The following DISP3 variants were observed in gnomAD, a reference collection of about 807,000 sequenced individuals.
DISP3 encodes the protein protein dispatched homolog 3.
A neutral mutation model predicts 135.3 loss-of-function variants in DISP3; 101 were observed. That is an observed-to-expected ratio of 0.75 (90% CI 0.64 to 0.88). The LOEUF is 0.88. Among genes scored for constraint, DISP3 ranks in the 40% least tolerant of loss-of-function variants. The pLI, the probability that DISP3 is intolerant of heterozygous loss-of-function variation, is 0.00. For synonymous variants in DISP3, 856 were observed against 817.0 expected (o/e 1.05, Z -0.81); for missense variants, 1,713 against 1,878.6 (o/e 0.91, Z 1.63).
rs754779622 is a variant in DISP3 at position 11,520,041 on chromosome 1, G to A, written c.2200+161G>A. Among the ~76,000 whole-genome samples the A allele has an allele frequency of 2.6e-5, 4 of 152,170 alleles. No homozygotes were observed. Among genetic ancestry groups the A allele is most frequent in the South Asian group, 2.1e-4 (1 of 4,824 alleles). On this transcript the variant is annotated intron_variant, in intron 9 of 20. Coordinates refer to ENST00000294484, the MANE Select transcript of DISP3 (RefSeq NM_020780.2). The surrounding 1 kb of genome is among the most constrained non-coding windows in gnomAD (Gnocchi z 4.8). Reference sequence around the variant, plus strand: ...CCTCTTTCCTGTGCAGAATGAAGCCGGTCATGGCGGCTGTTACTCATTGGC... The same window carrying A: ...CCTCTTTCCTGTGCAGAATGAAGCCAGTCATGGCGGCTGTTACTCATTGGC...
intron 3 of DISP3, 110 bp downstream of exon 3, chr1:11,503,007 T>A: frequency 9.8e-7 from 1 of 1,024,526 alleles, no homozygotes; most frequent in East Asian, 2.6e-5. Flanking sequence ...TTTGGAAGTC[T>A]TTCTTTCCAA....
At chr1:11,505,867 A>G (rs2100424764) in intron 3 of DISP3, among the ~76,000 whole-genome samples, 1 of 152,330 alleles carries the variant, frequency 6.6e-6, no homozygotes. Flanking sequence ...AATACTTTGT[A>G]TAATTTCATG....
intron 17 of DISP3, among the ~76,000 whole-genome samples, chr1:11,532,512 A>G (rs971730309): frequency 6.6e-6 from 1 of 152,042 alleles, no homozygotes; most frequent in Admixed American, 6.5e-5. Context: ...CCTTCCCACT[A>G]TTTATTTGTG....
chr1:11,522,548 C>G (rs1343065426), intron 10 of DISP3, among the ~76,000 whole-genome samples: 2 of 151,920 alleles, frequency 1.3e-5, no homozygotes, highest in African/African-American at 4.8e-5. Context: ...AGAGCCCAGC[C>G]AGGACCCAGC....
rs769075638 is a variant in DISP3, at chr1:11,502,822, G to A, written c.1241G>A (p.Arg414His). ...PLPNYYSVDD[R>H]WEEQRAKFQS... is the part of the protein sequence containing the mutation. ...CCCAACTACTACTCAGTAGATGACC[G>A]CTGGGAGGAACAACGGGCTAAGTTT... Residue 414 changes from arginine to histidine, a missense_variant, in exon 3 of 21, where the codon CGC becomes CAC. Physicochemically the swap from Arg to His is conservative, Grantham distance 29. This residue lies in a region of DISP3 where 1,142 missense variants were observed against 1,384.6 expected (regional missense o/e 0.82). Coordinates refer to ENST00000294484, the MANE Select transcript of DISP3 (RefSeq NM_020780.2). 21 of 1,614,072 alleles carry A rather than the reference G, an allele frequency of 1.3e-5. No homozygotes were observed. The highest frequency in any genetic ancestry group is 3.3e-5 in the South Asian group (3 of 91,086).
intron 1 of DISP3, among the ~76,000 whole-genome samples, chr1:11,489,509 GAC>G (rs1641125845): frequency 6.6e-6 from 1 of 152,200 alleles, no homozygotes. Context: ...CCCCTCCAAA[GAC>G]AGCAGGATCC....
At chr1:11,527,806 GACA>G (rs780324090) in intron 13 of DISP3, among the ~76,000 whole-genome samples, 3 of 152,134 alleles carry the variant, frequency 2.0e-5, no homozygotes, top group Non-Finnish European at 4.4e-5. Context: ...TCAAGTGTGA[GACA>G]ACTTCTCAAG....
chr1:11,493,499 C>A (rs139254778), intron 1 of DISP3, among the ~76,000 whole-genome samples: 2 of 152,102 alleles, frequency 1.3e-5, no homozygotes, highest in South Asian at 4.2e-4. Context: ...CGGAGGTGGG[C>A]GGATCACTTG....
rs553839956 is a variant in DISP3, at chr1:11,514,221, G to A, written c.1317-169G>A. On this transcript the variant is annotated intron_variant, in intron 3 of 20. Transcript: ENST00000294484. ...TCTGATCTAATTTGTCTGGAGCCTGGCCTGGACATCAGGATTATTGGAAGC... is the reference window on the plus strand; with the variant it reads ...TCTGATCTAATTTGTCTGGAGCCTGACCTGGACATCAGGATTATTGGAAGC... Among the ~76,000 whole-genome samples the A allele has an allele frequency of 2.0e-5, 3 of 152,300 alleles. No homozygotes were observed. In the South Asian group the frequency reaches 6.2e-4, roughly 32 times the overall value.
At chr1:11,504,124 A>G (rs1481354060) in intron 3 of DISP3, among the ~76,000 whole-genome samples, 6 of 152,266 alleles carry the variant, frequency 3.9e-5, no homozygotes, top group African/African-American at 1.4e-4. Context: ...AACTGCTGGA[A>G]TAATCAGAGC....
rs1641439234 is a variant in DISP3 at position 11,499,487 on chromosome 1, G to A, written c.-3-1503G>A. On this transcript the variant is annotated intron_variant, in intron 1 of 20. Coordinates refer to ENST00000294484, the MANE Select transcript of DISP3 (RefSeq NM_020780.2). The surrounding 1 kb of genome is among the most constrained non-coding windows in gnomAD (Gnocchi z 5.2). ...GACTCAGAGCAGTTACCATCCCCTC[G>A]GCAAGCTGGCAGGCTCGTGTTAGGG... 6.6e-6 allele frequency among the ~76,000 whole-genome samples: 1 copy of A among 152,042 alleles called. No homozygotes were observed. The highest frequency in any genetic ancestry group is 2.4e-5 in the African/African-American group (1 of 41,388).
intron 10 of DISP3, among the ~76,000 whole-genome samples, chr1:11,522,760 G>A (rs866948397): frequency 0.013 from 367 of 28,584 alleles, no homozygotes; most frequent in East Asian, 0.028. Context: ...ACCCAGCCAG[G>A]ACCCAGCCAG....
chr1:11,491,611 A>AAAAC lies in DISP3; in HGVS notation c.-3-9367_-3-9364dup, dbSNP rs1255844880. The stretch of plus-strand genomic sequence containing the variant: ...GGGTGACAGAGTGAGATCCCATCTC[A>AAAAC]AAACAAACAAACAAAACAAAACAAA... On this transcript the variant is annotated intron_variant, in intron 1 of 20. Coordinates refer to ENST00000294484, the MANE Select transcript of DISP3 (RefSeq NM_020780.2). This position sits in a 1 kb window ranked among gnomAD's most constrained non-coding sequence, Gnocchi z 4.3. Among the ~76,000 whole-genome samples, 1 of 151,896 alleles carries AAAAC rather than the reference A, an allele frequency of 6.6e-6. No individual in the cohort carries two copies. The highest frequency in any genetic ancestry group is 1.5e-5 in the Non-Finnish European group (1 of 67,958).
chr1:11,507,071 G>C (rs926830201), intron 3 of DISP3, among the ~76,000 whole-genome samples: 1 of 152,170 alleles, frequency 6.6e-6, no homozygotes, highest in Non-Finnish European at 1.5e-5. Context: ...GCCTCTCAAA[G>C]TGTGACTTTT....
rs1356617292 is a variant in DISP3 at position 11,530,509 on chromosome 1, C to T, written c.3103-398C>T. Reference sequence around the variant, plus strand: ...GAGTAAGTCGGGGGCAAGGTGGAGTCGGAGGAGATCTGTGTGTTCAGTCCA... The same window carrying T: ...GAGTAAGTCGGGGGCAAGGTGGAGTTGGAGGAGATCTGTGTGTTCAGTCCA... On this transcript the variant is annotated intron_variant, in intron 15 of 20. Coordinates refer to ENST00000294484, the MANE Select transcript of DISP3 (RefSeq NM_020780.2). Among the ~76,000 whole-genome samples, 7 of 151,812 alleles carry T rather than the reference C, an allele frequency of 4.6e-5. No homozygotes were observed. In the East Asian group the frequency reaches 7.7e-4, roughly 17 times the overall value.
chr1:11,501,733 C>T lies in DISP3; in HGVS notation c.741C>T (p.Ser247=). 1 of 1,591,148 alleles carries T rather than the reference C, an allele frequency of 6.3e-7. No homozygotes were observed. Among genetic ancestry groups the T allele is most frequent in the Non-Finnish European group, 8.6e-7 (1 of 1,167,658 alleles). ...PPHAAVAANQ[S]RARRGASRWD... is the part of the protein sequence containing the mutation. ...ACGCGGCAGTCGCGGCCAATCAGAG[C>T]CGTGCCCGCCGAGGCGCCTCGCGCT... The change falls in exon 2 of 21, where the codon AGC becomes AGT. Residue 247 remains serine, a synonymous_variant. Coordinates refer to ENST00000294484, the MANE Select transcript of DISP3 (RefSeq NM_020780.2). The surrounding 1 kb of genome is among the most constrained non-coding windows in gnomAD (Gnocchi z 4.9).
rs950147041 is a variant in DISP3 at position 11,483,308 on chromosome 1, G to A, written c.-4+3936G>A. Among the ~76,000 whole-genome samples the A allele has an allele frequency of 1.3e-5, 2 of 152,264 alleles. No individual in the cohort carries two copies. Among genetic ancestry groups the A allele is most frequent in the African/African-American group, 4.8e-5 (2 of 41,472 alleles). On this transcript the variant is annotated intron_variant, in intron 1 of 20. Coordinates refer to ENST00000294484, the MANE Select transcript of DISP3 (RefSeq NM_020780.2). The surrounding 1 kb of genome is among the most constrained non-coding windows in gnomAD (Gnocchi z 5.4). ...TCCTCCGCCTTATGATGGGAGGCTG[G>A]TGATAACAATACCAACCAATCATAG...
intron 10 of DISP3, among the ~76,000 whole-genome samples, chr1:11,522,317 C>T (rs1328583910): frequency 6.6e-6 from 1 of 152,128 alleles, no homozygotes; most frequent in Non-Finnish European, 1.5e-5. Context: ...TGGCCTTCCC[C>T]TTGGTAATGG....
intron 17 of DISP3, among the ~76,000 whole-genome samples, chr1:11,533,341 C>T (rs937218354): frequency 6.0e-5 from 9 of 151,020 alleles, no homozygotes; most frequent in East Asian, 2.0e-4. Flanking sequence ...CTGCAACCTC[C>T]GCCTCCCAGG....
Sources: gnomAD v4.1 joint callset for allele counts (sites outside exome capture counted in the v4.1 genomes callset) on GRCh38, gnomAD v4.1.1 for gene constraint, gnomAD v4.1.1 regional missense constraint, Gnocchi (gnomAD v3.1) non-coding constraint, MANE v1.5 for transcripts, NCBI Gene and HGNC (gene_info 2026-07-23, HGNC 2026-07-21) for gene names.